The following CUL4B variants were observed in gnomAD, a reference collection of about 807,000 sequenced individuals.
CUL4B encodes cullin-4B.
Under a neutral mutation model 69.2 loss-of-function variants are expected in CUL4B, and 1 was observed. The ratio of observed to expected loss-of-function variants is 0.01; its 90% CI spans 0.01 to 0.07. CUL4B has a LOEUF of 0.07. Among genes scored for constraint, CUL4B ranks in the 10% least tolerant of loss-of-function variants. The pLI, the probability that CUL4B is intolerant of heterozygous loss-of-function variation, is 1.00. For synonymous variants in CUL4B, 237 were observed against 223.2 expected, an observed-to-expected ratio of 1.06 and a Z score of -0.55; for missense variants, 328 against 638.8, an observed-to-expected ratio of 0.51 and a Z score of 5.24.
At chrX:120,568,174 C>G (rs1925611442), downstream of CUL4B, among the ~76,000 whole-genome samples, 1 of 110,816 alleles carries the variant, frequency 9.0e-6, no homozygotes, top group Non-Finnish European at 1.9e-5. Context: ...TGGAGGTAAA[C>G]AGAACTAGAA....
intron 2 of CUL4B, among the ~76,000 whole-genome samples, chrX:120,573,398 T>G (rs1371994977): frequency 8.9e-6 from 1 of 112,038 alleles, no homozygotes; most frequent in East Asian, 2.8e-4. Context: ...TTTTTGTGAC[T>G]ACAAACATGC....
chrX:120,543,121 T>C (rs1924101520), intron 8 of CUL4B, 88 bp from the exon 9 acceptor site: 3 of 543,654 alleles, frequency 5.5e-6, no homozygotes, highest in Middle Eastern at 8.1e-4. Flanking sequence ...AAAAATCAAA[T>C]AGCTCATTTT....
intron 10 of CUL4B, 131 bp from the exon 11 acceptor site, chrX:120,540,693 G>C: frequency 1.9e-6 from 1 of 518,881 alleles, no homozygotes; most frequent in Non-Finnish European, 3.1e-6. Context: ...TTTTAAGATG[G>C]AATCTTGCTA....
At chrX:120,563,760 A>C (rs899462329), upstream of CUL4B, among the ~76,000 whole-genome samples, 13 of 112,327 alleles carry the variant, frequency 1.2e-4, no homozygotes, top group Non-Finnish European at 2.1e-4. Context: ...TAATTCATGT[A>C]GTTAAAATCT....
chrX:120,528,550 G>A (rs140279360), intron 19 of CUL4B, among the ~76,000 whole-genome samples: 2,139 of 109,863 alleles, frequency 0.019, 29 homozygotes, highest in Non-Finnish European at 0.029. Flanking sequence ...GTAAAACCCC[G>A]TCTCTACTAA....
In CUL4B at chrX:120,572,303, A is replaced by T. The variant is rs765343926; in HGVS notation, c.68-303T>A. Among the ~76,000 whole-genome samples, 5 of 108,578 alleles carry T rather than the reference A, an allele frequency of 4.6e-5. No homozygotes were observed. In the East Asian group the frequency reaches 1.2e-3, roughly 25 times the overall value. The allele number at this position is 108,578 out of a possible 115,157, so 94.3% of individuals were successfully genotyped here. On this transcript the variant is annotated intron_variant, in intron 2 of 2. Transcript: ENST00000486604. Reference sequence around the variant, plus strand: ...ACATGGTGAAACCCTGTCTTTACTTAAAAAATATAAAATTAGCCGGGTGTG... The same window carrying T: ...ACATGGTGAAACCCTGTCTTTACTTTAAAAATATAAAATTAGCCGGGTGTG...
intron 2 of CUL4B, among the ~76,000 whole-genome samples, chrX:120,552,074 GTTTTA>G (rs1201144416): frequency 1.8e-5 from 2 of 111,331 alleles, no homozygotes; most frequent in Non-Finnish European, 3.8e-5. Flanking sequence ...ATTATGCATT[GTTTTA>G]TTTAAATATT....
At chrX:120,531,165 T>TA (rs1217348262) in intron 18 of CUL4B, among the ~76,000 whole-genome samples, 1 of 108,974 alleles carries the variant, frequency 9.2e-6, no homozygotes, top group African/African-American at 3.3e-5. Context: ...CTACTTAAAA[T>TA]ACAAAAATTA....
At chrX:120,549,682 C>CTGAG (rs1924570340) in intron 2 of CUL4B, among the ~76,000 whole-genome samples, 1 of 111,748 alleles carries the variant, frequency 8.9e-6, no homozygotes, top group Admixed American at 9.5e-5. Context: ...AATAAGAAGG[C>CTGAG]TGAGACCCTG....
At chrX:120,551,528 C>A (rs1350797440) in intron 2 of CUL4B, among the ~76,000 whole-genome samples, 1 of 111,278 alleles carries the variant, frequency 9.0e-6, no homozygotes, top group Non-Finnish European at 1.9e-5. Flanking sequence ...ATCCTTTGAT[C>A]CAAGTACTCT....
At position 120,525,850 on chromosome X, in the gene CUL4B, A is replaced by G. The variant is rs1922939817; in HGVS notation, c.*911T>C. The G allele has an allele frequency of 8.9e-6, 1 of 112,189 alleles. No individual in the cohort carries two copies. 9.2% of individuals were successfully genotyped at this position (112,189 alleles called of 1,213,427 possible). A position where few individuals can be genotyped will look rare whatever the true frequency, so the allele number is the denominator to read the frequency against. ...AGACAAAACTGTCCAAACAACATTT[A>G]AAGTCTAAAGTATGTTGAAAACTAG... On this transcript the variant is annotated 3_prime_UTR_variant, in exon 20 of 20. Coordinates refer to ENST00000371322, the MANE Select transcript of CUL4B (RefSeq NM_001079872.2).
At chrX:120,568,690 TC>T (rs914556803), downstream of CUL4B, among the ~76,000 whole-genome samples, 11 of 112,511 alleles carry the variant, frequency 9.8e-5, no homozygotes, top group Non-Finnish European at 1.3e-4. Flanking sequence ...CAAAGCACTT[TC>T]ACATACAATC....
downstream of CUL4B, among the ~76,000 whole-genome samples, chrX:120,568,720 C>G (rs1253525167): frequency 8.9e-6 from 1 of 112,276 alleles, no homozygotes; most frequent in African/African-American, 3.2e-5. Context: ...TCCTGATAAA[C>G]ACACTGTGAG....
At position 120,560,670 on chromosome X, in the gene CUL4B, T is replaced by A. The variant is rs371291880; in HGVS notation, c.-32A>T. ...AGCGGGGTCAACAGGCAGAGGAGCA[T>A]CAAAAACCTACGTTTATATGCCTGC... On this transcript the variant is annotated 5_prime_UTR_variant, in exon 1 of 20. The change abolishes an upstream ATG in the 5' untranslated region. Coordinates refer to ENST00000371322, the MANE Select transcript of CUL4B (RefSeq NM_001079872.2). 7.1e-5 allele frequency: 85 copies of A among 1,191,114 alleles called. No individual in the cohort carries two copies. The highest frequency in any genetic ancestry group is 9.5e-5 in the Non-Finnish European group (85 of 892,612).
chrX:120,569,429 T>G (rs1925650147), downstream of CUL4B, among the ~76,000 whole-genome samples: 1 of 107,961 alleles, frequency 9.3e-6, no homozygotes, highest in African/African-American at 3.4e-5. Context: ...GGTGCCATCT[T>G]GGCTCACTGC....
chrX:120,568,107 C>A (rs184589457), downstream of CUL4B, among the ~76,000 whole-genome samples: 61 of 111,547 alleles, frequency 5.5e-4, no homozygotes, highest in Middle Eastern at 4.6e-3. Flanking sequence ...TAGTTCCTAA[C>A]CCTTTAAGGT....
chrX:120,553,148 T>G (rs1924784469), intron 2 of CUL4B, among the ~76,000 whole-genome samples: 1 of 112,077 alleles, frequency 8.9e-6, no homozygotes, highest in South Asian at 3.6e-4. Context: ...TAGTTGTACA[T>G]TTTAAAAAAC....
intron 18 of CUL4B, among the ~76,000 whole-genome samples, chrX:120,531,526 C>A (rs1379091507): frequency 9.4e-6 from 1 of 106,528 alleles, no homozygotes; most frequent in Non-Finnish European, 1.9e-5. Context: ...GTGGCGCGAT[C>A]TCAGCTCACT....
chrX:120,535,704 C>CAAAAA (rs71820203), intron 16 of CUL4B, 126 bp downstream of exon 16: 158 of 189,327 alleles, frequency 8.3e-4, no homozygotes, highest in Middle Eastern at 3.5e-3. Context: ...GACTCTGTCT[C>CAAAAA]AAAAAAAAAA....
Sources: allele counts gnomAD v4.1 joint callset (sites outside exome capture counted in the v4.1 genomes callset), GRCh38; gene constraint gnomAD v4.1.1; transcripts MANE v1.5; gene names NCBI Gene and HGNC (gene_info 2026-07-23, HGNC 2026-07-21).